Variants in TSPAN3 observed in about 807,000 individuals in gnomAD.
TSPAN3 encodes tetraspanin-3.
In TSPAN3, 9 loss-of-function variants were observed where a neutral mutation model predicts 31.1. The ratio of observed to expected loss-of-function variants is 0.29; its 90% CI spans 0.17 to 0.50. The LOEUF is 0.50. Among genes scored for constraint, TSPAN3 ranks in the 20% least tolerant of loss-of-function variants. The pLI is 0.98. For missense variants in TSPAN3, 252 were observed against 313.5 expected, an observed-to-expected ratio of 0.80 and a Z score of 1.48; for synonymous variants, 129 against 114.3, an observed-to-expected ratio of 1.13 and a Z score of -0.82.
chr15:77,055,916 TAC>T lies in TSPAN3; in HGVS notation c.256-55_256-54del, dbSNP rs1250526304. 7.7e-6 allele frequency: 12 copies of T among 1,557,206 alleles called. No individual in the cohort carries two copies. The African/African-American group carries it at 1.7e-4, about 22-fold the overall frequency. On this transcript the variant is annotated intron_variant, in intron 2 of 6. Transcript: ENST00000267970. ...ATACAAATGAAAAAATAACTTTAAATACACTCTTGATTTAAAAAAAGTTATCA... is the reference window on the plus strand; with the variant it reads ...ATACAAATGAAAAAATAACTTTAAATACTCTTGATTTAAAAAAAGTTATCA...
rs1319604187 is a variant in TSPAN3 at position 77,045,268 on chromosome 15, T to C, written c.*1567A>G. 1.3e-5 allele frequency: 2 copies of C among 152,666 alleles called. No individual in the cohort carries two copies. The highest frequency in any genetic ancestry group is 1.9e-4 in the East Asian group (1 of 5,198). 9.5% of individuals were successfully genotyped at this position (152,666 alleles called of 1,614,324 possible). On this transcript the variant is annotated 3_prime_UTR_variant, in exon 7 of 7. Transcript: ENST00000267970. Reference sequence around the variant, plus strand: ...CCAATCAATGATCGAATTCCACCACTGTCCTGCCTCCAAACAGCCAGAATC... The same window carrying C: ...CCAATCAATGATCGAATTCCACCACCGTCCTGCCTCCAAACAGCCAGAATC...
chr15:77,056,368 T>C, intron 1 of TSPAN3, 113 bp from the exon 2 acceptor site: 1 of 760,524 alleles, frequency 1.3e-6, no homozygotes, highest in Non-Finnish European at 1.9e-6. Context: ...TAGACTTTTT[T>C]CAGTAAAGCT....
Position 77,045,115 on chromosome 15 carries a change from G to A in TSPAN3, c.*1720C>T, listed in dbSNP as rs1405823676. ...AACTGACGAGCCCAAAACTGACCATGAGTCACACCCCCAGATGTGTTCTCT... is the reference window on the plus strand; with the variant it reads ...AACTGACGAGCCCAAAACTGACCATAAGTCACACCCCCAGATGTGTTCTCT... On this transcript the variant is annotated 3_prime_UTR_variant, in exon 7 of 7. Transcript: ENST00000267970. 2 of 152,112 alleles carry A rather than the reference G, an allele frequency of 1.3e-5. No homozygotes were observed. The highest frequency in any genetic ancestry group is 2.9e-5 in the Non-Finnish European group (2 of 68,040). 9.4% of individuals were successfully genotyped at this position (152,112 alleles called of 1,614,324 possible).
chr15:77,058,311 T>C (rs997378229), intron 1 of TSPAN3, among the ~76,000 whole-genome samples: 2 of 152,192 alleles, frequency 1.3e-5, no homozygotes, highest in South Asian at 2.1e-4. Context: ...CAGATCTCAT[T>C]ACCCCTTGTG....
intron 1 of TSPAN3, among the ~76,000 whole-genome samples, chr15:77,059,140 T>C (rs552366275): frequency 6.6e-6 from 1 of 152,346 alleles, no homozygotes; most frequent in South Asian, 2.1e-4. Flanking sequence ...TGGAGTGCAG[T>C]GGCGCAATCT....
At position 77,054,174 on chromosome 15, in the gene TSPAN3, T is replaced by A. The variant is rs1440123551; in HGVS notation, c.432+4A>T. The A allele has an allele frequency of 6.2e-7, 1 of 1,611,598 alleles. No individual in the cohort carries two copies. The highest frequency in any genetic ancestry group is 1.7e-5 in the Admixed American group (1 of 59,972). On this transcript the variant is annotated splice_donor_region_variant and intron_variant, in intron 4 of 6. Transcript: ENST00000267970. ...AAAAACAAATCTGCCTCAAGAAAGC[T>A]CACCTGTCTCTGTACATAATCAATA...
chr15:77,060,335 T>C (rs962746928), intron 1 of TSPAN3, among the ~76,000 whole-genome samples: 1 of 152,222 alleles, frequency 6.6e-6, no homozygotes, highest in Non-Finnish European at 1.5e-5. Context: ...GGTGCTTATA[T>C]CTTAAGCTGT....
At position 77,071,095 on chromosome 15, in the gene TSPAN3, C is replaced by T; in HGVS notation, c.-141G>A. ...GCAGCCCCTGCGCCGTCGCGCAGCC[C>T]CGACCCCAGCAAGTGCCTCGCTCCT... On this transcript the variant is annotated 5_prime_UTR_variant, in exon 1 of 7. Coordinates refer to ENST00000267970, the MANE Select transcript of TSPAN3 (RefSeq NM_005724.6). The T allele has an allele frequency of 4.3e-6, 2 of 468,826 alleles. No individual in the cohort carries two copies. The highest frequency in any genetic ancestry group is 4.4e-5 in the East Asian group (1 of 22,974). 29.0% of individuals were successfully genotyped at this position (468,826 alleles called of 1,614,324 possible). A position where few individuals can be genotyped will look rare whatever the true frequency, so the allele number is the denominator to read the frequency against.
rs1441186817 is a variant in TSPAN3, at chr15:77,070,960, C to A, written c.-6G>T. 7.0e-7 allele frequency: 1 copy of A among 1,430,262 alleles called. No homozygotes were observed. Among genetic ancestry groups the A allele is most frequent in the Non-Finnish European group, 9.2e-7 (1 of 1,084,774 alleles). 88.6% of individuals were successfully genotyped at this position (1,430,262 alleles called of 1,614,324 possible). ...GTGATGCCGCACTGGCCCATGGCGC[C>A]GGTGGCCCGCGAAGGCCCGGCCCGG... On this transcript the variant is annotated 5_prime_UTR_variant, in exon 1 of 7. Transcript: ENST00000267970.
chr15:77,042,070 G>A lies in TSPAN3; in HGVS notation c.*4765C>T, dbSNP rs1220945393. 3 of 152,162 alleles carry A rather than the reference G, an allele frequency of 2.0e-5. No homozygotes were observed. The highest frequency in any genetic ancestry group is 4.4e-5 in the Non-Finnish European group (3 of 68,028). The allele number at this position is 152,162 out of a possible 1,614,324, so 9.4% of individuals were successfully genotyped here. ...ATGACAAATCCTACAGTTAGACATG[G>A]AAGGAGCATCAGACTATGTTGTGAA... On this transcript the variant is annotated 3_prime_UTR_variant, in exon 7 of 7. Transcript: ENST00000267970.
rs2076679505 is a variant in TSPAN3, at chr15:77,044,780, C to G, written c.*2055G>C. 6.6e-6 allele frequency: 1 copy of G among 152,194 alleles called. No individual in the cohort carries two copies. The highest frequency in any genetic ancestry group is 6.6e-5 in the Admixed American group (1 of 15,266). 9.4% of individuals were successfully genotyped at this position (152,194 alleles called of 1,614,324 possible). On this transcript the variant is annotated 3_prime_UTR_variant, in exon 7 of 7. Transcript: ENST00000267970. ...GTGGAGAACAACCAACATCACAGTCCAAATATTGCTCACCTCAGGGCCAGC... is the reference window on the plus strand; with the variant it reads ...GTGGAGAACAACCAACATCACAGTCGAAATATTGCTCACCTCAGGGCCAGC...
At chr15:77,055,892 T>C (rs867807913) in intron 2 of TSPAN3, 29 bp from the exon 3 acceptor site, 9 of 1,577,682 alleles carry the variant, frequency 5.7e-6, no homozygotes, top group African/African-American at 2.8e-5. Flanking sequence ...TAAAATTATA[T>C]ACAAATGAAA....
At position 77,054,053 on chromosome 15, in the gene TSPAN3, T is replaced by C. The variant is rs570509138; in HGVS notation, c.432+125A>G. On this transcript the variant is annotated intron_variant, in intron 4 of 6. Transcript: ENST00000267970. ...AAGGGTGAAGGTTGGGGAAAAATAT[T>C]GGTCACATCAGGATAGCCATGTATG... The C allele has an allele frequency of 4.9e-5, 30 of 611,188 alleles. No individual in the cohort carries two copies. The South Asian group carries it at 6.5e-4, about 13-fold the overall frequency. The allele number at this position is 611,188 out of a possible 1,614,324, so 37.9% of individuals were successfully genotyped here. A position where few individuals can be genotyped will look rare whatever the true frequency, so the allele number is the denominator to read the frequency against.
rs1236107372 is a variant in TSPAN3, at chr15:77,045,010, G to C, written c.*1825C>G. On this transcript the variant is annotated 3_prime_UTR_variant, in exon 7 of 7. Coordinates refer to ENST00000267970, the MANE Select transcript of TSPAN3 (RefSeq NM_005724.6). ...GGTAACTTCCACTTTGTGAAAAGGA[G>C]TTAGTTTTTACTCCTCTCCTTTCCC... 1 of 152,146 alleles carries C rather than the reference G, an allele frequency of 6.6e-6. No individual in the cohort carries two copies. The highest frequency in any genetic ancestry group is 1.5e-5 in the Non-Finnish European group (1 of 68,050). The allele number at this position is 152,146 out of a possible 1,614,324, so 9.4% of individuals were successfully genotyped here. A position where few individuals can be genotyped will look rare whatever the true frequency, so the allele number is the denominator to read the frequency against.
rs1291757816 is a variant in TSPAN3 at position 77,042,008 on chromosome 15, C to T, written c.*4827G>A. 2.0e-5 allele frequency: 3 copies of T among 152,168 alleles called. No individual in the cohort carries two copies. The highest frequency in any genetic ancestry group is 4.4e-5 in the Non-Finnish European group (3 of 68,044). The allele number at this position is 152,168 out of a possible 1,614,324, so 9.4% of individuals were successfully genotyped here. A position where few individuals can be genotyped will look rare whatever the true frequency, so the allele number is the denominator to read the frequency against. On this transcript the variant is annotated 3_prime_UTR_variant, in exon 7 of 7. Coordinates refer to ENST00000267970, the MANE Select transcript of TSPAN3 (RefSeq NM_005724.6). ...CTGCCCTTTATACACCTTGGTTAAT[C>T]ATGGTACTAATGTACCCACACAGCT...
chr15:77,069,640 C>A (rs192266290), intron 1 of TSPAN3, among the ~76,000 whole-genome samples: 4 of 152,142 alleles, frequency 2.6e-5, no homozygotes, highest in Non-Finnish European at 5.9e-5. Context: ...GTAGCAAGTG[C>A]TTTTTAACAT....
intron 1 of TSPAN3, among the ~76,000 whole-genome samples, chr15:77,058,729 A>T (rs938711144): frequency 6.6e-6 from 1 of 151,842 alleles, no homozygotes; most frequent in Admixed American, 6.6e-5. Flanking sequence ...CCTTGAAATC[A>T]CCCTCCCAAC....
At chr15:77,056,991 GCTT>G (rs1189947007) in intron 1 of TSPAN3, among the ~76,000 whole-genome samples, 3 of 152,250 alleles carry the variant, frequency 2.0e-5, no homozygotes, top group Admixed American at 6.5e-5. Flanking sequence ...TGCTGGTGCA[GCTT>G]CTTCTTGGAG....
intron 4 of TSPAN3, among the ~76,000 whole-genome samples, chr15:77,053,728 T>C (rs1380395631): frequency 6.6e-6 from 1 of 152,214 alleles, no homozygotes; most frequent in East Asian, 1.9e-4. Context: ...GGTGCAAACA[T>C]CTATTACACT....
Sources: allele counts gnomAD v4.1 joint callset (sites outside exome capture counted in the v4.1 genomes callset), GRCh38; gene constraint gnomAD v4.1.1; transcripts MANE v1.5; gene names NCBI Gene and HGNC (gene_info 2026-07-23, HGNC 2026-07-21).